The following NTM variants were observed in gnomAD, a reference collection of about 807,000 sequenced individuals.
The protein encoded by NTM is neurotrimin.
NTM carries 13 observed loss-of-function variants against 42.1 expected under a neutral mutation model. That is an observed-to-expected ratio of 0.31 (90% CI 0.20 to 0.49). The LOEUF is 0.49. Among genes scored for constraint, NTM ranks in the 20% least tolerant of loss-of-function variants. The pLI, the probability that NTM is intolerant of heterozygous loss-of-function variation, is 0.99. For synonymous variants in NTM, 187 were observed against 179.2 expected (o/e 1.04, Z -0.35); for missense variants, 373 against 452.8 (o/e 0.82, Z 1.60).
intron 1 of NTM, among the ~76,000 whole-genome samples, chr11:131,803,367 G>T (rs2136244560): frequency 6.6e-6 from 1 of 151,824 alleles, no homozygotes; most frequent in Non-Finnish European, 1.5e-5. Context: ...GGAGTACAGT[G>T]GTGCAATCTT....
intron 1 of NTM, among the ~76,000 whole-genome samples, chr11:131,577,446 A>G (rs1486557277): frequency 6.6e-6 from 1 of 152,232 alleles, no homozygotes; most frequent in South Asian, 2.1e-4. Flanking sequence ...TAACAAAGTG[A>G]GTGTCCCAAG....
At chr11:132,140,275 TCA>T (rs960627552) in intron 2 of NTM, among the ~76,000 whole-genome samples, 2 of 152,192 alleles carry the variant, frequency 1.3e-5, no homozygotes. Context: ...GGTGTGGGAC[TCA>T]CAGTGCAGTG....
intron 1 of NTM, among the ~76,000 whole-genome samples, chr11:131,509,720 T>C (rs1309668193): frequency 1.3e-5 from 2 of 152,224 alleles, no homozygotes; most frequent in Non-Finnish European, 2.9e-5. Flanking sequence ...TCTTAGTCCA[T>C]CCTTCCATTA....
chr11:131,507,284 G>T (rs2047602247), intron 1 of NTM, among the ~76,000 whole-genome samples: 2 of 151,892 alleles, frequency 1.3e-5, no homozygotes, highest in African/African-American at 4.8e-5. Flanking sequence ...TGGCTAGCCA[G>T]TTTTCCCAGC....
Position 131,951,467 on chromosome 11 carries a change from C to A in NTM, c.167+39819C>A, listed in dbSNP as rs148187381. ...GATGCTCCCTCTCCACCCTATTAAC[C>A]TGCTCCTCTGAATAAGGAGCTGTCC... is the stretch of plus-strand genomic sequence containing the variant. On this transcript the variant is annotated intron_variant, in intron 2 of 8. Coordinates refer to ENST00000683400, the MANE Select transcript of NTM (RefSeq NM_001352005.2). Among the ~76,000 whole-genome samples the A allele has an allele frequency of 3.1e-3, 472 of 152,270 alleles. 2 individuals carry two copies. The highest frequency in any genetic ancestry group is 0.01 in the African/African-American group (436 of 41,546).
intron 2 of NTM, among the ~76,000 whole-genome samples, chr11:132,074,919 T>C (rs2058167628): frequency 6.6e-6 from 1 of 152,186 alleles, no homozygotes; most frequent in Non-Finnish European, 1.5e-5. Context: ...CCTAATCTGA[T>C]CACCATAAGT....
chr11:132,232,381 C>T (rs375395934), intron 4 of NTM, among the ~76,000 whole-genome samples: 2 of 152,124 alleles, frequency 1.3e-5, no homozygotes, highest in Non-Finnish European at 2.9e-5. Context: ...AACTGGGACC[C>T]GGGCACACTG....
intron 2 of NTM, among the ~76,000 whole-genome samples, chr11:131,961,466 C>A (rs1276119526): frequency 6.6e-6 from 1 of 152,144 alleles, no homozygotes; most frequent in Non-Finnish European, 1.5e-5. Flanking sequence ...ACTATCAAAT[C>A]CATTATTTAA....
At chr11:132,099,570 G>A (rs990770992) in intron 2 of NTM, among the ~76,000 whole-genome samples, 1 of 152,114 alleles carries the variant, frequency 6.6e-6, no homozygotes, top group Non-Finnish European at 1.5e-5. Context: ...CTTGCCCCGG[G>A]TAGGTTATCA....
intron 1 of NTM, among the ~76,000 whole-genome samples, chr11:131,547,750 C>T (rs572089219): frequency 3.3e-5 from 5 of 152,268 alleles, no homozygotes; most frequent in Admixed American, 1.3e-4. Flanking sequence ...TCAAAGAGTT[C>T]GCTTTTAGTT....
At chr11:131,927,933 A>G (rs1280552831) in intron 2 of NTM, among the ~76,000 whole-genome samples, 2 of 152,100 alleles carry the variant, frequency 1.3e-5, no homozygotes, top group Non-Finnish European at 2.9e-5. Context: ...ATGTGAATTG[A>G]GAATATGTTC....
intron 1 of NTM, among the ~76,000 whole-genome samples, chr11:131,394,596 T>C (rs989474978): frequency 6.6e-5 from 10 of 152,128 alleles, no homozygotes; most frequent in African/African-American, 2.2e-4. Flanking sequence ...ATGCAGCAGC[T>C]CTGAGTGCAT....
chr11:132,131,152 G>T (rs900946757), intron 2 of NTM, among the ~76,000 whole-genome samples: 2 of 152,158 alleles, frequency 1.3e-5, no homozygotes, highest in African/African-American at 4.8e-5. Context: ...ATGTTGCTTT[G>T]TGACTTCTAG....
intron 1 of NTM, among the ~76,000 whole-genome samples, chr11:131,415,530 T>C (rs569325968): frequency 6.3e-4 from 96 of 152,304 alleles, no homozygotes; most frequent in Admixed American, 1.2e-3. Flanking sequence ...TATTCAAAAT[T>C]GCACATCTAG....
At chr11:131,501,183 G>C (rs964594389) in intron 1 of NTM, among the ~76,000 whole-genome samples, 1 of 152,066 alleles carries the variant, frequency 6.6e-6, no homozygotes, top group African/African-American at 2.4e-5. Context: ...TTCTGGGGAG[G>C]GTAACAGACA....
intron 4 of NTM, 54 bp from the exon 5 acceptor site, chr11:132,307,633 CAT>C: frequency 6.2e-7 from 1 of 1,604,692 alleles, no homozygotes; most frequent in Non-Finnish European, 8.5e-7. Context: ...TCTAAGTGAA[CAT>C]GTTTGGTCTT....
At chr11:132,208,234 A>G (rs1051517217) in intron 3 of NTM, among the ~76,000 whole-genome samples, 5 of 152,210 alleles carry the variant, frequency 3.3e-5, no homozygotes, top group Admixed American at 2.6e-4. Context: ...ACCCTAATCA[A>G]TTCAAGTAGT....
At chr11:131,483,352 T>G (rs1953816017) in intron 1 of NTM, among the ~76,000 whole-genome samples, 1 of 152,236 alleles carries the variant, frequency 6.6e-6, no homozygotes, top group Non-Finnish European at 1.5e-5. Context: ...CACATTCGTT[T>G]CAATCCTCAC....
intron 4 of NTM, among the ~76,000 whole-genome samples, chr11:132,214,291 G>A (rs1428673549): frequency 5.9e-5 from 9 of 152,130 alleles, no homozygotes; most frequent in South Asian, 4.1e-4. Context: ...CAGTGCTGGC[G>A]GATGCCAGCC....
Sources: gnomAD v4.1 joint callset for allele counts (sites outside exome capture counted in the v4.1 genomes callset) on GRCh38, gnomAD v4.1.1 for gene constraint, MANE v1.5 for transcripts, NCBI Gene and HGNC (gene_info 2026-07-23, HGNC 2026-07-21) for gene names.